Variants in SMG1 observed in about 807,000 individuals in gnomAD.
SMG1 encodes the protein SMG1 nonsense mediated mRNA decay associated PI3K related kinase.
A neutral mutation model predicts 419.9 loss-of-function variants in SMG1; 22 were observed. The observed-to-expected ratio is 0.05, with a 90% CI of 0.04 to 0.07. The LOEUF is 0.07. Among genes scored for constraint, SMG1 ranks in the 10% least tolerant of loss-of-function variants. SMG1 has a pLI of 1.00. For missense variants in SMG1, 3,185 were observed against 4,342.0 expected, an observed-to-expected ratio of 0.73 and a Z score of 7.49; for synonymous variants, 1,538 against 1,553.5, an observed-to-expected ratio of 0.99 and a Z score of 0.23.
chr16:18,907,462 C>T (rs2037608967), intron 1 of SMG1, among the ~76,000 whole-genome samples: 2 of 151,984 alleles, frequency 1.3e-5, no homozygotes, highest in Non-Finnish European at 2.9e-5. Context: ...CTCAAGAGAT[C>T]CTCTGGTTTT....
At chr16:18,890,719 T>C (rs1464790802) in intron 5 of SMG1, 144 bp downstream of exon 5, 2 of 618,856 alleles carry the variant, frequency 3.2e-6, no homozygotes, top group Non-Finnish European at 5.9e-6. Context: ...ACATAATTAA[T>C]GCAGATAAAA....
intron 51 of SMG1, among the ~76,000 whole-genome samples, chr16:18,832,120 A>C (rs556844701): frequency 1.3e-5 from 2 of 152,326 alleles, no homozygotes; most frequent in African/African-American, 4.8e-5. Context: ...TTCTCTCTAC[A>C]GTCTTGTATC....
At chr16:18,867,506 A>G (rs2035577214) in intron 22 of SMG1, among the ~76,000 whole-genome samples, 1 of 150,798 alleles carries the variant, frequency 6.6e-6, no homozygotes, top group South Asian at 2.1e-4. Context: ...CCTGGGCGAC[A>G]AAGTGAAACT....
chr16:18,894,567 T>A (rs2037030644), intron 3 of SMG1, among the ~76,000 whole-genome samples: 1 of 151,876 alleles, frequency 6.6e-6, no homozygotes, highest in African/African-American at 2.4e-5. Flanking sequence ...TTTGAATTCA[T>A]TCCACTTGTG....
rs1238119498 is a variant in SMG1 at position 18,925,933 on chromosome 16, C to A, written c.92+17G>T. Reference sequence around the variant, plus strand: ...GAGCCCGGGAGGTCGGGGCGGGGTCCCGGGCCGGTCACCCACCTGGGTTGC... The same window carrying A: ...GAGCCCGGGAGGTCGGGGCGGGGTCACGGGCCGGTCACCCACCTGGGTTGC... On this transcript the variant is annotated intron_variant, in intron 1 of 62. Coordinates refer to ENST00000446231, the MANE Select transcript of SMG1 (RefSeq NM_015092.5). The A allele has an allele frequency of 6.5e-7, 1 of 1,531,710 alleles. No individual in the cohort carries two copies. Among genetic ancestry groups the A allele is most frequent in the Admixed American group, 2.0e-5 (1 of 51,104 alleles). The allele number at this position is 1,531,710 out of a possible 1,614,324, so 94.9% of individuals were successfully genotyped here.
At position 18,830,350 on chromosome 16, in the gene SMG1, C is replaced by T. The variant is rs1216177651; in HGVS notation, c.8812G>A (p.Gly2938Ser). The T allele has an allele frequency of 3.7e-6, 6 of 1,613,828 alleles. No homozygotes were observed. Among genetic ancestry groups the T allele is most frequent in the South Asian group, 2.2e-5 (2 of 91,068 alleles). The change falls in exon 52 of 63, where the codon GGT becomes AGT. Residue 2938 changes from glycine to serine, a missense_variant. Gly to Ser is a moderately conservative substitution (Grantham distance 56). This residue lies in a region of SMG1 where 737 missense variants were observed against 846.6 expected (regional missense o/e 0.87). Transcript: ENST00000446231. ...CCATTTCTCGGTTGGATTAATTCAC[C>T]GTACTGAGCATGTAGTAGTCTACAG... ...DVARLLHAQYGELIQPRNGSV... is the reference protein window; with the variant it reads ...DVARLLHAQYSELIQPRNGSV...
At chr16:18,835,632 G>A (rs555523079) in intron 48 of SMG1, among the ~76,000 whole-genome samples, 23 of 152,206 alleles carry the variant, frequency 1.5e-4, no homozygotes, top group African/African-American at 1.9e-4. Flanking sequence ...TTGGCCAGGC[G>A]CAGTGGCTCA....
Position 18,828,041 on chromosome 16 carries a change from G to C in SMG1, c.9731C>G (p.Ala3244Gly). The C allele has an allele frequency of 1.9e-6, 3 of 1,611,954 alleles. No individual in the cohort carries two copies. In the South Asian group the frequency reaches 3.3e-5, roughly 18 times the overall value. ...TCTGGCAAAACACACCTGAACTGTT[G>C]CAATAGAAGTTTCAATCTGGCTCAG... ...HTLSQIETSI[A>G]TVQEKLAALE... is the part of the protein sequence containing the mutation. The change falls in exon 55 of 63, where the codon GCA (alanine) becomes GGA (glycine). Residue 3244 changes from alanine (A) to glycine (G), a missense_variant. Coordinates refer to ENST00000446231, the MANE Select transcript of SMG1 (RefSeq NM_015092.5).
chr16:18,918,505 C>A (rs1251657411), intron 1 of SMG1, among the ~76,000 whole-genome samples: 2 of 152,170 alleles, frequency 1.3e-5, no homozygotes, highest in Non-Finnish European at 2.9e-5. Context: ...CATCACCCTA[C>A]CGCTCCATAC....
intron 49 of SMG1, 93 bp downstream of exon 49, chr16:18,834,799 C>T (rs988356634): frequency 1.5e-6 from 2 of 1,365,862 alleles, no homozygotes; most frequent in Non-Finnish European, 2.0e-6. Flanking sequence ...AGCTGTAACA[C>T]TTGGCAAGAC....
rs3222694 is a variant in SMG1 at position 18,832,582 on chromosome 16, G to GCACACACACACA, written c.8792+346_8792+357dup. On this transcript the variant is annotated intron_variant, in intron 51 of 62. Coordinates refer to ENST00000446231, the MANE Select transcript of SMG1 (RefSeq NM_015092.5). ...ATGTATGTGACCGAACTATACACTTGCACACACACACACACACACACACAC... is the reference window on the plus strand; with the variant it reads ...ATGTATGTGACCGAACTATACACTTGCACACACACACACACACACACACACACACACACACAC... Among the ~76,000 whole-genome samples the GCACACACACACA allele has an allele frequency of 2.9e-3, 433 of 148,390 alleles. 3 individuals are homozygous for GCACACACACACA. Among genetic ancestry groups the GCACACACACACA allele is most frequent in the African/African-American group, 0.01 (409 of 40,354 alleles).
intron 1 of SMG1, chr16:18,925,632 G>A (rs533334991): frequency 1.3e-4 from 44 of 328,350 alleles, no homozygotes; most frequent in Admixed American, 5.2e-4. Flanking sequence ...GTCAGGGGGA[G>A]GCTGTAACTG....
At chr16:18,820,078 G>C (rs184895325) in intron 55 of SMG1, among the ~76,000 whole-genome samples, 1 of 152,142 alleles carries the variant, frequency 6.6e-6, no homozygotes, top group Admixed American at 6.5e-5. Flanking sequence ...CGATTCTCCT[G>C]CCTCAGCCTC....
rs1187971921 is a variant in SMG1 at position 18,836,306 on chromosome 16, A to G, written c.7777+54T>C. ...AAACCAGGACCCCACACAAACACACATGACTATAAAACTCATAGTTTCACA... is the reference window on the plus strand; with the variant it reads ...AAACCAGGACCCCACACAAACACACGTGACTATAAAACTCATAGTTTCACA... On this transcript the variant is annotated intron_variant, in intron 47 of 62. Coordinates refer to ENST00000446231, the MANE Select transcript of SMG1 (RefSeq NM_015092.5). 5 of 1,595,058 alleles carry G rather than the reference A, an allele frequency of 3.1e-6. No individual in the cohort carries two copies. In the Admixed American group the frequency reaches 6.8e-5, roughly 22 times the overall value.
At chr16:18,902,029 G>A (rs2037368389) in intron 1 of SMG1, among the ~76,000 whole-genome samples, 1 of 151,748 alleles carries the variant, frequency 6.6e-6, no homozygotes, top group Non-Finnish European at 1.5e-5. Flanking sequence ...CTAATAATGT[G>A]ACTTATGGTG....
At chr16:18,890,665 T>C (rs1346935732) in intron 5 of SMG1, among the ~76,000 whole-genome samples, 198 bp downstream of exon 5, 1 of 152,108 alleles carries the variant, frequency 6.6e-6, no homozygotes, top group Non-Finnish European at 1.5e-5. Flanking sequence ...ATAAATAAAG[T>C]ATTCTTTTCA....
In SMG1 at chr16:18,872,228, A is replaced by T; in HGVS notation, c.2139T>A (p.Leu713=). The change falls in exon 15 of 63, where the codon CTT becomes CTA. Residue 713 remains leucine (L), a synonymous_variant. Coordinates refer to ENST00000446231, the MANE Select transcript of SMG1 (RefSeq NM_015092.5). ...TKKHFSIILN[L]LGILLKKDNL... is the part of the protein sequence containing the mutation. Reference sequence around the variant, plus strand: ...TATCTTTCTTAAGTAATATTCCCAGAAGATTTAATATAATTGAGAAATGTT... The same window carrying T: ...TATCTTTCTTAAGTAATATTCCCAGTAGATTTAATATAATTGAGAAATGTT... The T allele has an allele frequency of 6.3e-7, 1 of 1,578,620 alleles. No homozygotes were observed. Among genetic ancestry groups the T allele is most frequent in the Non-Finnish European group, 8.7e-7 (1 of 1,151,850 alleles).
At chr16:18,844,729 A>C (rs1184374807) in intron 39 of SMG1, among the ~76,000 whole-genome samples, 1 of 152,068 alleles carries the variant, frequency 6.6e-6, no homozygotes, top group Non-Finnish European at 1.5e-5. Context: ...TGTATCTTTT[A>C]ATAGCTTTCT....
Position 18,852,219 on chromosome 16 carries a change from C to A in SMG1, c.4914-14G>T, listed in dbSNP as rs199666646. 2.5e-6 allele frequency: 4 copies of A among 1,609,766 alleles called. No homozygotes were observed. On this transcript the variant is annotated splice_polypyrimidine_tract_variant and intron_variant, in intron 32 of 62. Coordinates refer to ENST00000446231, the MANE Select transcript of SMG1 (RefSeq NM_015092.5). The stretch of plus-strand genomic sequence containing the variant: ...CCTTCTCCCTGACTATAAAAATAAA[C>A]AAGTCATCAGTATTTCAGCTACCCA...
Sources: gnomAD v4.1 joint callset for allele counts (sites outside exome capture counted in the v4.1 genomes callset) on GRCh38, gnomAD v4.1.1 for gene constraint, gnomAD v4.1.1 regional missense constraint, MANE v1.5 for transcripts, NCBI Gene and HGNC (gene_info 2026-07-23, HGNC 2026-07-21) for gene names.